The following PRSS23 variants were observed in gnomAD, a reference collection of about 807,000 sequenced individuals.
The protein encoded by PRSS23 is serine protease 23, also known as protease, serine 23.
Under a neutral mutation model 34.7 loss-of-function variants are expected in PRSS23, and 25 were observed. The observed-to-expected ratio is 0.72, with a 90% confidence interval of 0.53 to 1.01. PRSS23 has a LOEUF of 1.01. Ranked by LOEUF, PRSS23 falls within the 50% of genes least tolerant of loss-of-function variation. The probability of loss-of-function intolerance (pLI) is 0.00; values close to 1 mark genes in which losing one functional copy is unlikely to be tolerated. For missense variants in PRSS23, 445 were observed against 475.6 expected (o/e 0.94, Z 0.60); for synonymous variants, 176 against 186.6 (o/e 0.94, Z 0.46).
chr11:86,816,727 T>C (rs1167581524), intron 1 of PRSS23, among the ~76,000 whole-genome samples: 1 of 152,198 alleles, frequency 6.6e-6, no homozygotes, highest in African/African-American at 2.4e-5. Context: ...GAACACAGCG[T>C]TGGAATAGAA....
intron 2 of PRSS23, among the ~76,000 whole-genome samples, chr11:86,879,809 CGGGA>C (rs1948759401): frequency 6.3e-5 from 5 of 79,022 alleles, no homozygotes; most frequent in Non-Finnish European, 1.3e-4. Context: ...CCGCCCCGTC[CGGGA>C]GGGAGGTGGG....
rs2135040993 is a variant in PRSS23 at position 86,951,911 on chromosome 11, C to A, written c.*626C>A. On this transcript the variant is annotated 3_prime_UTR_variant, in exon 3 of 3. Coordinates refer to the PRSS23 transcript ENST00000533902. ...AGGTTCTGCTGCCTCTTCAAAATCACAGGATATCCTTTCCCGGCCTACAGT... is the reference window on the plus strand; with the variant it reads ...AGGTTCTGCTGCCTCTTCAAAATCAAAGGATATCCTTTCCCGGCCTACAGT... 1 of 1,613,838 alleles carries A rather than the reference C, an allele frequency of 6.2e-7. No homozygotes were observed. Among genetic ancestry groups the A allele is most frequent in the Non-Finnish European group, 8.5e-7 (1 of 1,179,954 alleles).
At chr11:86,859,618 G>T (rs892480241) in intron 2 of PRSS23, among the ~76,000 whole-genome samples, 3 of 151,908 alleles carry the variant, frequency 2.0e-5, no homozygotes, top group African/African-American at 4.8e-5. Context: ...GTATCACAGT[G>T]GGTATACACC....
intron 2 of PRSS23, among the ~76,000 whole-genome samples, chr11:86,875,396 A>G (rs1489688911): frequency 6.6e-6 from 1 of 152,150 alleles, no homozygotes; most frequent in Non-Finnish European, 1.5e-5. Flanking sequence ...AAAATAAATG[A>G]AATAAAGTGC....
intron 2 of PRSS23, among the ~76,000 whole-genome samples, chr11:86,879,415 G>GTCTC (rs1358140166): frequency 6.7e-6 from 1 of 149,854 alleles, no homozygotes; most frequent in Non-Finnish European, 1.5e-5. Flanking sequence ...AGTGAGGAGT[G>GTCTC]TCTCTGCCTG....
intron 2 of PRSS23, among the ~76,000 whole-genome samples, chr11:86,905,130 A>G (rs934917277): frequency 5.3e-5 from 8 of 152,236 alleles, no homozygotes; most frequent in African/African-American, 1.9e-4. Flanking sequence ...CTACCCTATC[A>G]GGTAACATGT....
At chr11:86,813,052 A>G (rs981536182), downstream of PRSS23, among the ~76,000 whole-genome samples, 1 of 152,166 alleles carries the variant, frequency 6.6e-6, no homozygotes, top group Non-Finnish European at 1.5e-5. Flanking sequence ...GAAAGGAGAC[A>G]GGCATATTTA....
intron 2 of PRSS23, among the ~76,000 whole-genome samples, chr11:86,931,130 T>G (rs918172057): frequency 6.6e-6 from 1 of 152,218 alleles, no homozygotes; most frequent in African/African-American, 2.4e-5. Context: ...CAAGACTGGA[T>G]GTTGACAACT....
At chr11:86,849,143 A>G (rs2134915858) in intron 2 of PRSS23, among the ~76,000 whole-genome samples, 1 of 152,270 alleles carries the variant, frequency 6.6e-6, no homozygotes, top group Non-Finnish European at 1.5e-5. Context: ...GAGGGCCAGG[A>G]AGTACACTTC....
chr11:86,825,492 C>A (rs1334832175), intron 2 of PRSS23, among the ~76,000 whole-genome samples: 1 of 152,084 alleles, frequency 6.6e-6, no homozygotes, highest in Admixed American at 6.5e-5. Context: ...TAATTAGATC[C>A]CATTTGTCAA....
intron 2 of PRSS23, among the ~76,000 whole-genome samples, chr11:86,837,811 C>T (rs1480837005): frequency 1.3e-5 from 2 of 152,092 alleles, no homozygotes; most frequent in African/African-American, 2.4e-5. Context: ...AACTGGAGAT[C>T]GCTTTTAAGA....
intron 2 of PRSS23, among the ~76,000 whole-genome samples, chr11:86,872,012 T>C (rs766586739): frequency 3.9e-5 from 6 of 152,224 alleles, no homozygotes; most frequent in African/African-American, 7.2e-5. Flanking sequence ...AAGCATGGGC[T>C]CTGGAATCAA....
intron 2 of PRSS23, among the ~76,000 whole-genome samples, chr11:86,838,839 G>T (rs1031860502): frequency 2.0e-5 from 3 of 152,150 alleles, no homozygotes; most frequent in Non-Finnish European, 2.9e-5. Context: ...AGGCAAACAG[G>T]TTCTGGAATC....
chr11:86,812,633 C>A (rs145225181), downstream of PRSS23, among the ~76,000 whole-genome samples: 1 of 151,704 alleles, frequency 6.6e-6, no homozygotes, highest in Non-Finnish European at 1.5e-5. Context: ...ACTAAAAATA[C>A]AAAAATTGGC....
At chr11:86,935,104 C>A (rs968713332) in intron 2 of PRSS23, 1 of 152,200 alleles carries the variant, frequency 6.6e-6, no homozygotes, top group African/African-American at 2.4e-5. Flanking sequence ...CACACAGGGC[C>A]CCCAGGCAAT....
intron 2 of PRSS23, among the ~76,000 whole-genome samples, chr11:86,927,754 G>A (rs1339582350): frequency 6.6e-6 from 1 of 152,088 alleles, no homozygotes; most frequent in Non-Finnish European, 1.5e-5. Flanking sequence ...GGGCGTGGTG[G>A]CTCACGCCTG....
At chr11:86,823,301 G>C (rs996432007) in intron 1 of PRSS23, 9 of 678,702 alleles carry the variant, frequency 1.3e-5, no homozygotes, top group Non-Finnish European at 2.2e-5. Context: ...GACGGTCCGA[G>C]ATGTAGAATA....
intron 2 of PRSS23, among the ~76,000 whole-genome samples, chr11:86,904,444 C>G (rs968701151): frequency 4.6e-5 from 7 of 152,072 alleles, no homozygotes. Context: ...CCTGGAGTAC[C>G]CATCTTATCC....
chr11:86,951,924 C>G, exon 3 of PRSS23: 1 of 1,613,916 alleles, frequency 6.2e-7, no homozygotes, highest in Non-Finnish European at 8.5e-7. Context: ...GATATCCTTT[C>G]CCGGCCTACA....
Sources: allele counts gnomAD v4.1 joint callset (sites outside exome capture counted in the v4.1 genomes callset), GRCh38; gene constraint gnomAD v4.1.1; transcripts MANE v1.5; gene names NCBI Gene and HGNC (gene_info 2026-07-23, HGNC 2026-07-21).